The following SHC2 variants were observed in gnomAD, a reference collection of about 807,000 sequenced individuals.
SHC2 encodes SHC adaptor protein 2.
Under a neutral mutation model 60.6 loss-of-function variants are expected in SHC2, and 62 were observed. That is an observed-to-expected ratio of 1.02 (90% CI 0.83 to 1.26). SHC2 has a LOEUF of 1.26. Among genes scored for constraint, SHC2 ranks in the 50% most tolerant of loss-of-function variants. The probability of loss-of-function intolerance (pLI) is 0.00; values close to 1 mark genes in which losing one functional copy is unlikely to be tolerated. For synonymous variants in SHC2, 375 were observed against 372.4 expected (o/e 1.01, Z -0.08); for missense variants, 873 against 822.2 (o/e 1.06, Z -0.76).
Position 425,216 on chromosome 19 carries a change from C to A in SHC2, c.1190G>T (p.Gly397Val), listed in dbSNP as rs1974383819. The change falls in exon 10 of 13, where the codon GGC becomes GTC. Residue 397 changes from glycine to valine, a missense_variant. By Grantham distance (109) the Gly-to-Val change is moderately radical. Coordinates refer to ENST00000264554, the MANE Select transcript of SHC2 (RefSeq NM_012435.3). The surrounding 1 kb of genome is among the most constrained non-coding windows in gnomAD (Gnocchi z 4.1). ...GCCCCGGGCGTCCGCCTGCACGTAG[C>A]CGTCCCCCGGTGGAGCTGGGGAGTG... ...GSTGTAPPGDGYVQADARGPP... is the reference protein window; with the variant it reads ...GSTGTAPPGDVYVQADARGPP... The A allele has an allele frequency of 4.5e-6, 6 of 1,337,634 alleles. No individual in the cohort carries two copies. The African/African-American group carries it at 9.0e-5, about 20-fold the overall frequency. 82.9% of individuals were successfully genotyped at this position (1,337,634 alleles called of 1,614,324 possible). A position where few individuals can be genotyped will look rare whatever the true frequency, so the allele number is the denominator to read the frequency against.
At chr19:419,350 C>A (rs761510021) in intron 11 of SHC2, 37 of 362,436 alleles carry the variant, frequency 1.0e-4, no homozygotes, top group East Asian at 1.7e-4. Context: ...GTGAACGTGA[C>A]CTCATTTGGA....
rs1047248866 is a variant in SHC2, at chr19:440,702, G to A, written c.539+160C>T. On this transcript the variant is annotated intron_variant, in intron 2 of 12. Coordinates refer to ENST00000264554, the MANE Select transcript of SHC2 (RefSeq NM_012435.3). This position sits in a 1 kb window ranked among gnomAD's most constrained non-coding sequence, Gnocchi z 7.0. ...CCGACACCTGGCGTGGGGACAGGGC[G>A]GAGACGTGGCGTGAAGTGGGAGGGA... is the stretch of plus-strand genomic sequence containing the variant. Among the ~76,000 whole-genome samples the A allele has an allele frequency of 1.1e-4, 16 of 152,226 alleles. No homozygotes were observed. The highest frequency in any genetic ancestry group is 2.1e-4 in the South Asian group (1 of 4,838).
In SHC2 at chr19:436,368, CGGGGGCCTCACCTCTCT is replaced by C. The variant is rs1568288600; in HGVS notation, c.821_826+11del. ...GCCACAGGACCCCCACCGGCCTCCCCGGGGGCCTCACCTCTCTGGTTGATGGGGTCCTTGGCGACGTA... is the reference window on the plus strand; with the variant it reads ...GCCACAGGACCCCCACCGGCCTCCCCGGTTGATGGGGTCCTTGGCGACGTA... On this transcript the variant is annotated splice_donor_variant and splice_donor_5th_base_variant and coding_sequence_variant and intron_variant, in exon 6 of 13. Transcript: ENST00000264554. LOFTEE classifies it high-confidence loss of function. 6.3e-7 allele frequency: 1 copy of C among 1,595,596 alleles called. No homozygotes were observed. Among genetic ancestry groups the C allele is most frequent in the Non-Finnish European group, 8.6e-7 (1 of 1,167,768 alleles).
rs764963466 is a variant in SHC2, at chr19:436,188, G to A, written c.930C>T (p.Pro310=). The stretch of plus-strand genomic sequence containing the variant: ...ACCTTTCTGGGGGCAGCGCCACCTT[G>A]GGCGGGCTGTGCAGGTACTGCTTGA... ...LRFKQYLHSP[P]KVALPPERLA... Residue 310 remains proline, a synonymous_variant, in exon 7 of 13, where the codon CCC becomes CCT. Coordinates refer to ENST00000264554, the MANE Select transcript of SHC2 (RefSeq NM_012435.3). 25 of 1,610,424 alleles carry A rather than the reference G, an allele frequency of 1.6e-5. No homozygotes were observed. Among genetic ancestry groups the A allele is most frequent in the East Asian group, 8.9e-5 (4 of 44,820 alleles).
At chr19:437,082 C>A (rs1158343687) in intron 4 of SHC2, among the ~76,000 whole-genome samples, 1 of 152,202 alleles carries the variant, frequency 6.6e-6, no homozygotes, top group Non-Finnish European at 1.5e-5. Context: ...GCCCCACACT[C>A]CTGACTCCCT....
At chr19:439,287 C>G (rs970564841) in intron 2 of SHC2, 3 of 556,484 alleles carry the variant, frequency 5.4e-6, no homozygotes, top group Non-Finnish European at 9.6e-6. Flanking sequence ...GCCCACTCCA[C>G]GTGCGTCCTT....
chr19:429,397 T>A (rs1291445929), intron 9 of SHC2, among the ~76,000 whole-genome samples: 5 of 106,608 alleles, frequency 4.7e-5, no homozygotes, highest in African/African-American at 1.8e-4. Flanking sequence ...AGTACCTATA[T>A]CCAACATGCA....
At position 441,236 on chromosome 19, in the gene SHC2, C is replaced by T. The variant is rs1333620446; in HGVS notation, c.469-304G>A. 5.5e-6 allele frequency: 5 copies of T among 901,584 alleles called. No homozygotes were observed. In the African/African-American group the frequency reaches 9.2e-5, roughly 17 times the overall value. The allele number at this position is 901,584 out of a possible 1,614,324, so 55.8% of individuals were successfully genotyped here. A position where few individuals can be genotyped will look rare whatever the true frequency, so the allele number is the denominator to read the frequency against. The stretch of plus-strand genomic sequence containing the variant: ...CCGTCTTGCCCTCGTCGGTCTCTTT[C>T]TGTTCCACCAGCACCGAAGCCGAGG... On this transcript the variant is annotated intron_variant, in intron 1 of 12. Transcript: ENST00000264554. This position sits in a 1 kb window ranked among gnomAD's most constrained non-coding sequence, Gnocchi z 4.9.
At position 459,382 on chromosome 19, in the gene SHC2, G is replaced by GCGTAGGGGGAAGGACCCCACTGAAC. The variant is rs1975480050; in HGVS notation, c.468+1146_468+1147insGTTCAGTGGGGTCCTTCCCCCTACG. On this transcript the variant is annotated intron_variant, in intron 1 of 12. Coordinates refer to ENST00000264554, the MANE Select transcript of SHC2 (RefSeq NM_012435.3). ...GCGTAGGGGGAAGGACCCCACTGAA[G>GCGTAGGGGGAAGGACCCCACTGAAC]CCAGCGTAGGGGGAAGGACCCCACT... Among the ~76,000 whole-genome samples the GCGTAGGGGGAAGGACCCCACTGAAC allele has an allele frequency of 4.9e-4, 10 of 20,458 alleles. 1 individual carries two copies. The highest frequency in any genetic ancestry group is 1.0e-3 in the Admixed American group (2 of 1,964). The allele number at this position is 20,458 out of a possible 152,430, so 13.4% of individuals were successfully genotyped here. A position where few individuals can be genotyped will look rare whatever the true frequency, so the allele number is the denominator to read the frequency against.
intron 1 of SHC2, among the ~76,000 whole-genome samples, chr19:457,403 C>T (rs1269945869): frequency 1.3e-5 from 2 of 152,154 alleles, no homozygotes; most frequent in Middle Eastern, 6.4e-3. Flanking sequence ...GCAAACCCCA[C>T]GGCCGGGGTT....
In SHC2 at chr19:425,960, C is replaced by T. The variant is rs1157501988; in HGVS notation, c.1175-729G>A. ...ATGAGAATCACTTGAATTCAGGACG[C>T]ACAGATTGCAGTGAGCTGAGATTGT... is the stretch of plus-strand genomic sequence containing the variant. On this transcript the variant is annotated intron_variant, in intron 9 of 12. Transcript: ENST00000264554. This position sits in a 1 kb window ranked among gnomAD's most constrained non-coding sequence, Gnocchi z 4.1. Among the ~76,000 whole-genome samples, 1 of 149,058 alleles carries T rather than the reference C, an allele frequency of 6.7e-6. No homozygotes were observed. Among genetic ancestry groups the T allele is most frequent in the Non-Finnish European group, 1.5e-5 (1 of 67,732 alleles).
intron 4 of SHC2, among the ~76,000 whole-genome samples, chr19:437,002 C>G (rs1032022931): frequency 3.9e-5 from 6 of 152,008 alleles, no homozygotes; most frequent in Admixed American, 3.9e-4. Flanking sequence ...CAGACGCTCA[C>G]ACACACACAC....
At position 422,283 on chromosome 19, in the gene SHC2, G is replaced by A. The variant is rs201559457; in HGVS notation, c.1483C>T (p.Arg495Trp). The A allele has an allele frequency of 2.7e-4, 441 of 1,612,322 alleles. No homozygotes were observed. The highest frequency in any genetic ancestry group is 3.3e-4 in the Non-Finnish European group (384 of 1,179,640). Reference sequence around the variant, plus strand: ...GCTCGAAGCATCCTCTCTGCCGCCCGGCGGCTCATCCGGCCGTGGTACCAG... The same window carrying A: ...GCTCGAAGCATCCTCTCTGCCGCCCAGCGGCTCATCCGGCCGTGGTACCAG... ...EPWYHGRMSR[R>W]AAERMLRADG... Residue 495 changes from arginine to tryptophan, a missense_variant, in exon 11 of 13, where the codon CGG (arginine) becomes TGG (tryptophan). Physicochemically the swap from Arg to Trp is moderately radical, Grantham distance 101. Coordinates refer to ENST00000264554, the MANE Select transcript of SHC2 (RefSeq NM_012435.3). This position sits in a 1 kb window ranked among gnomAD's most constrained non-coding sequence, Gnocchi z 5.0.
At chr19:436,968 T>A (rs1974738219) in intron 4 of SHC2, among the ~76,000 whole-genome samples, 1 of 152,016 alleles carries the variant, frequency 6.6e-6, no homozygotes, top group South Asian at 2.1e-4. Flanking sequence ...TCCCCCACTG[T>A]AACACTTCAC....
At chr19:436,487 G>T in intron 5 of SHC2, 56 bp from the exon 6 acceptor site, 1 of 1,598,482 alleles carries the variant, frequency 6.3e-7, no homozygotes, top group Non-Finnish European at 8.5e-7. Context: ...GGGATTCCCA[G>T]CTGCCCACCC....
intron 1 of SHC2, among the ~76,000 whole-genome samples, chr19:454,124 G>T (rs1975272369): frequency 6.6e-6 from 1 of 152,300 alleles, no homozygotes; most frequent in African/African-American, 2.4e-5. Flanking sequence ...CAGCACGGCA[G>T]CTGCTTGCTG....
intron 1 of SHC2, among the ~76,000 whole-genome samples, chr19:459,380 AAGCCAGCGTAGGGGGAAGGACCCC>A (rs1568301601): frequency 1.1e-4 from 16 of 140,252 alleles, no homozygotes; most frequent in Non-Finnish European, 1.7e-4. Context: ...GACCCCACTG[AAGCCAGCGTAGGGGGAAGGACCCC>A]ACTGAACCCA....
At chr19:427,990 G>C (rs1399644819) in intron 9 of SHC2, among the ~76,000 whole-genome samples, 1 of 152,100 alleles carries the variant, frequency 6.6e-6, no homozygotes, top group Non-Finnish European at 1.5e-5. Context: ...ATTGCACCCC[G>C]CACAGGGAAG....
Position 422,155 on chromosome 19 carries a change from G to A in SHC2, c.1611C>T (p.Pro537=), listed in dbSNP as rs776070517. The change falls in exon 11 of 13, where the codon CCC becomes CCT. Residue 537 remains proline (P), a synonymous_variant. Coordinates refer to ENST00000264554, the MANE Select transcript of SHC2 (RefSeq NM_012435.3). This position sits in a 1 kb window ranked among gnomAD's most constrained non-coding sequence, Gnocchi z 5.0. Reference sequence around the variant, plus strand: ...CCTGTGCACAGCTTACCACGCCCTCGGGGTCCACGAGCAGCAGGTGCTTGG... The same window carrying A: ...CCTGTGCACAGCTTACCACGCCCTCAGGGTCCACGAGCAGCAGGTGCTTGG... ...GQPKHLLLVD[P]EGVVRTKDVL... is the part of the protein sequence containing the mutation. 1.2e-5 allele frequency: 19 copies of A among 1,608,730 alleles called. No individual in the cohort carries two copies. The highest frequency in any genetic ancestry group is 1.3e-5 in the African/African-American group (1 of 74,902).
Sources: allele counts gnomAD v4.1 joint callset (sites outside exome capture counted in the v4.1 genomes callset), GRCh38; gene constraint gnomAD v4.1.1; non-coding constraint Gnocchi (gnomAD v3.1); transcripts MANE v1.5; gene names NCBI Gene and HGNC (gene_info 2026-07-23, HGNC 2026-07-21).